STARD3NL: variants seen among roughly 807,000 people sequenced by gnomAD.
The protein encoded by STARD3NL is STARD3 N-terminal-like protein.
Under a neutral mutation model 30.9 loss-of-function variants are expected in STARD3NL, and 17 were observed. The observed-to-expected ratio is 0.55, with a 90% confidence interval of 0.38 to 0.82. The LOEUF (loss-of-function observed/expected upper bound fraction) is 0.82. Among genes scored for constraint, STARD3NL ranks in the 40% least tolerant of loss-of-function variants. STARD3NL has a pLI of 0.00. For missense variants in STARD3NL, 234 were observed against 277.6 expected (o/e 0.84, Z 1.12); for synonymous variants, 112 against 100.5 (o/e 1.11, Z -0.69).
intron 1 of STARD3NL, among the ~76,000 whole-genome samples, chr7:38,186,395 C>T (rs1177676697): frequency 3.3e-5 from 5 of 152,270 alleles, no homozygotes; most frequent in Admixed American, 2.6e-4. Flanking sequence ...ACTGAAAAAT[C>T]AGCAGTATTT....
chr7:38,185,346 A>G (rs1167372262), intron 1 of STARD3NL, among the ~76,000 whole-genome samples: 1 of 152,154 alleles, frequency 6.6e-6, no homozygotes, highest in African/African-American at 2.4e-5. Context: ...ATGATTCATA[A>G]TTTCTTTTTG....
At chr7:38,190,633 T>A (rs963598621) in intron 1 of STARD3NL, among the ~76,000 whole-genome samples, 2 of 152,224 alleles carry the variant, frequency 1.3e-5, no homozygotes, top group Non-Finnish European at 2.9e-5. Context: ...CTCTCCTGCA[T>A]AACCATTACT....
At chr7:38,181,562 C>T (rs1036375490) in intron 1 of STARD3NL, among the ~76,000 whole-genome samples, 9 of 152,108 alleles carry the variant, frequency 5.9e-5, no homozygotes, top group Admixed American at 1.3e-4. Context: ...AATTTACTTT[C>T]TGTATGTCTT....
chr7:38,179,229 G>T (rs1304405877), intron 1 of STARD3NL: 1 of 152,206 alleles, frequency 6.6e-6, no homozygotes, highest in Non-Finnish European at 1.5e-5. Flanking sequence ...ATTCTGAAAG[G>T]TAATTCCCGT....
At chr7:38,210,282 GC>G (rs1180859946) in intron 2 of STARD3NL, among the ~76,000 whole-genome samples, 2 of 152,176 alleles carry the variant, frequency 1.3e-5, no homozygotes, top group Admixed American at 1.3e-4. Flanking sequence ...ATCTTATACT[GC>G]CTTGTGATGT....
chr7:38,186,777 T>C (rs955820304), intron 1 of STARD3NL, among the ~76,000 whole-genome samples: 3 of 152,140 alleles, frequency 2.0e-5, no homozygotes, highest in Admixed American at 6.5e-5. Flanking sequence ...GTTAACACTG[T>C]GATAATGAGG....
At chr7:38,213,470 G>A (rs1241853809) in intron 2 of STARD3NL, among the ~76,000 whole-genome samples, 3 of 152,114 alleles carry the variant, frequency 2.0e-5, no homozygotes, top group Non-Finnish European at 4.4e-5. Context: ...ACTTTCATTC[G>A]AATTTGAACC....
intron 2 of STARD3NL, among the ~76,000 whole-genome samples, chr7:38,213,166 T>C (rs964971429): frequency 6.6e-6 from 1 of 152,160 alleles, no homozygotes; most frequent in Non-Finnish European, 1.5e-5. Flanking sequence ...ATCATTCTTA[T>C]AATATTCTGG....
chr7:38,210,285 T>C (rs1177763142), intron 2 of STARD3NL, among the ~76,000 whole-genome samples: 1 of 152,240 alleles, frequency 6.6e-6, no homozygotes, highest in East Asian at 1.9e-4. Flanking sequence ...TTATACTGCC[T>C]TGTGATGTAG....
At chr7:38,184,544 G>T (rs918971382) in intron 1 of STARD3NL, among the ~76,000 whole-genome samples, 2 of 150,884 alleles carry the variant, frequency 1.3e-5, no homozygotes, top group African/African-American at 4.9e-5. Context: ...TAAACAAGCA[G>T]ATCTCATGCA....
At chr7:38,193,590 G>A (rs751912357) in intron 1 of STARD3NL, among the ~76,000 whole-genome samples, 29 of 152,182 alleles carry the variant, frequency 1.9e-4, no homozygotes, top group Non-Finnish European at 4.4e-5. Context: ...GAGCCACTGC[G>A]CCCAGCCAGG....
intron 1 of STARD3NL, among the ~76,000 whole-genome samples, chr7:38,187,265 A>C (rs1368369944): frequency 6.6e-6 from 1 of 152,178 alleles, no homozygotes; most frequent in Non-Finnish European, 1.5e-5. Flanking sequence ...CATTTTGCCA[A>C]CCTGTAGTCT....
chr7:38,215,871 G>A (rs1224442494), intron 4 of STARD3NL: 1 of 152,336 alleles, frequency 6.6e-6, no homozygotes, highest in Non-Finnish European at 1.5e-5. Flanking sequence ...GCTGGGAATA[G>A]GACTTGTGCT....
At chr7:38,203,213 G>A (rs1282344257) in intron 1 of STARD3NL, among the ~76,000 whole-genome samples, 14 of 152,262 alleles carry the variant, frequency 9.2e-5, no homozygotes, top group African/African-American at 2.9e-4. Flanking sequence ...GAAGGAAAAA[G>A]TGTTAAGGGC....
chr7:38,225,113 T>G (rs1199906952), intron 7 of STARD3NL, among the ~76,000 whole-genome samples: 1 of 152,194 alleles, frequency 6.6e-6, no homozygotes. Flanking sequence ...TGAGATATTT[T>G]TCATGTTTCT....
chr7:38,226,749 C>G (rs10265214), intron 7 of STARD3NL, among the ~76,000 whole-genome samples: 99,598 of 152,010 alleles, frequency 0.66, 33,033 homozygotes, highest in Admixed American at 0.74. Flanking sequence ...CTGCTCACCT[C>G]CCTCTGAATT....
intron 1 of STARD3NL, among the ~76,000 whole-genome samples, chr7:38,195,783 C>T (rs1178259586): frequency 2.0e-5 from 3 of 152,312 alleles, no homozygotes; most frequent in East Asian, 1.9e-4. Flanking sequence ...TAATAGCTAT[C>T]CATCATTTAG....
intron 1 of STARD3NL, among the ~76,000 whole-genome samples, chr7:38,182,910 T>C (rs1475638038): frequency 1.3e-5 from 2 of 152,172 alleles, no homozygotes; most frequent in African/African-American, 2.4e-5. Context: ...CCCAGGACCT[T>C]TCATGTTGCA....
chr7:38,181,935 A>G (rs1365195735), intron 1 of STARD3NL, among the ~76,000 whole-genome samples: 1 of 152,036 alleles, frequency 6.6e-6, no homozygotes, highest in South Asian at 2.1e-4. Flanking sequence ...CCAAAATTCT[A>G]CCTGTCCCTC....
Sources: allele counts gnomAD v4.1 joint callset (sites outside exome capture counted in the v4.1 genomes callset), GRCh38; gene constraint gnomAD v4.1.1; transcripts MANE v1.5; gene names NCBI Gene and HGNC (gene_info 2026-07-23, HGNC 2026-07-21).